Variants in POLI observed in about 807,000 individuals in gnomAD.
POLI encodes the protein DNA polymerase iota.
In POLI, 58 loss-of-function variants were observed where a neutral mutation model predicts 51.6. The observed-to-expected ratio is 1.12, with a 90% CI of 0.91 to 1.40. The LOEUF (loss-of-function observed/expected upper bound fraction) is 1.40, where lower values mean the gene tolerates loss of function less well. Ranked by LOEUF, POLI falls within the 40% of genes most tolerant of loss-of-function variation. The pLI is 0.00. For missense variants in POLI, 921 were observed against 871.3 expected, an observed-to-expected ratio of 1.06 and a Z score of -0.72; for synonymous variants, 322 against 299.7, an observed-to-expected ratio of 1.07 and a Z score of -0.77.
chr18:54,285,039 G>A (rs2087685217), intron 7 of POLI, among the ~76,000 whole-genome samples: 2 of 152,270 alleles, frequency 1.3e-5, no homozygotes, highest in South Asian at 4.1e-4. Flanking sequence ...ATGGTTTTTG[G>A]TTGGTTCTAA....
In POLI at chr18:54,294,097, A is replaced by G. The variant is rs138942429; in HGVS notation, c.1853A>G (p.Gln618Arg). The change falls in exon 10 of 10, where the codon CAA (glutamine) becomes CGA (arginine). Residue 618 changes from glutamine to arginine, a missense_variant. Gln to Arg is a conservative substitution (Grantham distance 43). Coordinates refer to ENST00000579534, the MANE Select transcript of POLI (RefSeq NM_007195.3). Reference protein sequence around the residue: ...NSSSSSYMSSQKDYSYYLDNR... With the variant: ...NSSSSSYMSSRKDYSYYLDNR... ...AGTAGTTCTTCTTACATGTCTAGCC[A>G]AAAGGATTATTCATATTATTTAGAT... The G allele has an allele frequency of 2.6e-5, 42 of 1,609,282 alleles. No individual in the cohort carries two copies. In the African/African-American group the frequency reaches 4.7e-4, roughly 18 times the overall value.
intron 3 of POLI, among the ~76,000 whole-genome samples, chr18:54,319,836 G>T (rs9952218): frequency 0.12 from 17,974 of 152,090 alleles, 3,561 homozygotes; most frequent in African/African-American, 0.41. Context: ...TAGGAGACAA[G>T]TTAATTAAAT....
Position 54,269,654 on chromosome 18 carries a change from C to G in POLI, c.108C>G (p.Ser36Arg). Reference protein sequence around the residue: ...MELADVGAAASSQGVHDQVLP... With the variant: ...MELADVGAAARSQGVHDQVLP... ...TGGCGGACGTGGGGGCGGCAGCCAG[C>G]TCGCAGGGTGCGCCGCAGCCAGAGG... The change falls in exon 1 of 10, where the codon AGC (serine) becomes AGG (arginine). Residue 36 changes from serine to arginine, a missense_variant. Transcript: ENST00000579534. The G allele has an allele frequency of 1.3e-6, 2 of 1,506,298 alleles. No individual in the cohort carries two copies. Among genetic ancestry groups the G allele is most frequent in the Non-Finnish European group, 1.8e-6 (2 of 1,131,054 alleles). The allele number at this position is 1,506,298 out of a possible 1,614,324, so 93.3% of individuals were successfully genotyped here.
chr18:54,279,370 C>CT (rs2144500804), intron 4 of POLI, among the ~76,000 whole-genome samples: 1 of 151,712 alleles, frequency 6.6e-6, no homozygotes, highest in East Asian at 1.9e-4. Flanking sequence ...AGCCTCCCGA[C>CT]TAGCTGGGAC....
intron 3 of POLI, 79 bp from the exon 4 acceptor site, chr18:54,277,624 A>G (rs2087303293): frequency 1.2e-6 from 1 of 839,324 alleles, no homozygotes; most frequent in South Asian, 2.1e-5. Flanking sequence ...AATTTGATAA[A>G]TTTTTAAGCA....
intron 9 of POLI, among the ~76,000 whole-genome samples, chr18:54,293,405 T>C (rs2088119404): frequency 6.6e-6 from 1 of 152,066 alleles, no homozygotes; most frequent in South Asian, 2.1e-4. Context: ...TCCAAATGCA[T>C]ATTTACCTCT....
intron 4 of POLI, among the ~76,000 whole-genome samples, chr18:54,280,038 C>T (rs541328540): frequency 8.5e-5 from 13 of 152,176 alleles, no homozygotes; most frequent in African/African-American, 3.1e-4. Context: ...TATCACAGGC[C>T]CTTGGAATTT....
chr18:54,307,070 T>A (rs1393350477), intron 3 of POLI, among the ~76,000 whole-genome samples: 1 of 152,156 alleles, frequency 6.6e-6, no homozygotes, highest in Non-Finnish European at 1.5e-5. Flanking sequence ...TTTGAAGGGT[T>A]TTTTGTGTCT....
Position 54,305,550 on chromosome 18 carries a change from A to G in POLI, c.334-14723A>G, listed in dbSNP as rs375210204. Among the ~76,000 whole-genome samples the G allele has an allele frequency of 1.5e-3, 209 of 142,336 alleles. 13 individuals are homozygous for G. The South Asian group carries it at 0.033, about 23-fold the overall frequency. 93.4% of individuals were successfully genotyped at this position (142,336 alleles called of 152,430 possible). On this transcript the variant is annotated intron_variant, in intron 3 of 4. Transcript: ENST00000579823. ...TGAATGGGAGTTCACTCATGATTTG[A>G]CTCTCTGTTTGTCTGTTATTGGTGT...
intron 8 of POLI, among the ~76,000 whole-genome samples, chr18:54,288,152 A>G (rs373147922): frequency 1.2e-4 from 18 of 152,296 alleles, no homozygotes; most frequent in African/African-American, 3.9e-4. Context: ...TTTCATCAAC[A>G]ATATTTGAAG....
At chr18:54,281,377 A>G (rs694650) in intron 5 of POLI, among the ~76,000 whole-genome samples, 38,494 of 152,006 alleles carry the variant, frequency 0.25, 5,084 homozygotes, top group Middle Eastern at 0.3. Context: ...TCGGTGACCT[A>G]TTTAGGTCAT....
rs913478634 is a variant in POLI, at chr18:54,285,302, A to AAAAC, written c.1067+1290_1067+1293dup. ...CTTTGGAGACAGTTCTTCACATAGA[A>AAAAC]AAACCACAAGAAGTATAAGTTTTAC... On this transcript the variant is annotated intron_variant, in intron 7 of 9. Coordinates refer to ENST00000579534, the MANE Select transcript of POLI (RefSeq NM_007195.3). Among the ~76,000 whole-genome samples, 65 of 152,308 alleles carry AAAAC rather than the reference A, an allele frequency of 4.3e-4. 1 individual carries two copies. Among genetic ancestry groups the AAAAC allele is most frequent in the Middle Eastern group, 3.4e-3 (1 of 294 alleles).
At chr18:54,273,155 T>G (rs1050611620) in intron 2 of POLI, among the ~76,000 whole-genome samples, 1 of 152,088 alleles carries the variant, frequency 6.6e-6, no homozygotes, top group Non-Finnish European at 1.5e-5. Context: ...ACTAGAATTT[T>G]TTATGCAGTC....
intron 3 of POLI, among the ~76,000 whole-genome samples, chr18:54,314,209 T>C (rs2088703745): frequency 1.3e-5 from 2 of 152,204 alleles, no homozygotes; most frequent in Admixed American, 6.5e-5. Context: ...GAGATGATCA[T>C]GTGGCTTTTG....
At chr18:54,273,573 A>G (rs992187591) in intron 2 of POLI, among the ~76,000 whole-genome samples, 1 of 152,082 alleles carries the variant, frequency 6.6e-6, no homozygotes, top group Non-Finnish European at 1.5e-5. Context: ...CCTTTTGTAT[A>G]TGAATAATTG....
rs763650760 is a variant in POLI, at chr18:54,294,225, A to G, written c.1981A>G (p.Asn661Asp). 8.7e-6 allele frequency: 14 copies of G among 1,613,582 alleles called. No homozygotes were observed. Among genetic ancestry groups the G allele is most frequent in the Non-Finnish European group, 1.2e-5 (14 of 1,179,738 alleles). Residue 661 changes from asparagine to aspartate, a missense_variant, in exon 10 of 10, where the codon AAC becomes GAC. Transcript: ENST00000579534. ...TGTGTCTGCTTTTCATTCATTTCCA[A>G]ACTTGCAGAGTGAGCAACTTTTCTC... ...PAVSAFHSFP[N>D]LQSEQLFSRN...
chr18:54,305,248 CT>C (rs2088562236), intron 3 of POLI, among the ~76,000 whole-genome samples: 1 of 152,092 alleles, frequency 6.6e-6, no homozygotes, highest in African/African-American at 2.4e-5. Flanking sequence ...TGTGTGGGCT[CT>C]TTTTTGGTTC....
At chr18:54,304,328 A>G (rs927863435) in intron 3 of POLI, among the ~76,000 whole-genome samples, 30 of 152,306 alleles carry the variant, frequency 2.0e-4, no homozygotes, top group South Asian at 2.1e-4. Context: ...TCCTTGAGGA[A>G]TCACCACACT....
chr18:54,317,076 T>A (rs652037), intron 3 of POLI, among the ~76,000 whole-genome samples: 1 of 152,150 alleles, frequency 6.6e-6, no homozygotes, highest in Admixed American at 6.5e-5. Context: ...TGGAAACTTA[T>A]TGATTATGAG....
Sources: gnomAD v4.1 joint callset for allele counts (sites outside exome capture counted in the v4.1 genomes callset) on GRCh38, gnomAD v4.1.1 for gene constraint, MANE v1.5 for transcripts, NCBI Gene and HGNC (gene_info 2026-07-23, HGNC 2026-07-21) for gene names.